Variants in USP45 observed in about 807,000 individuals in gnomAD.
USP45 encodes the protein ubiquitin specific peptidase 45, also known as ubiquitin carboxyl-terminal hydrolase 45.
A neutral mutation model predicts 95.8 loss-of-function variants in USP45; 89 were observed. That is an observed-to-expected ratio of 0.93 (90% confidence interval 0.78 to 1.11). The LOEUF is 1.11. USP45 is among the 50% of genes least tolerant of loss of function. The pLI, the probability that USP45 is intolerant of heterozygous loss-of-function variation, is 0.00. For synonymous variants in USP45, 281 were observed against 316.2 expected, an observed-to-expected ratio of 0.89 and a Z score of 1.18; for missense variants, 898 against 942.5, an observed-to-expected ratio of 0.95 and a Z score of 0.62.
intron 5 of USP45, among the ~76,000 whole-genome samples, chr6:99,498,577 G>A (rs1796773467): frequency 6.6e-6 from 1 of 152,338 alleles, no homozygotes; most frequent in East Asian, 1.9e-4. Flanking sequence ...GATAAGTAAG[G>A]CTGAAGACAG....
At chr6:99,486,336 T>C (rs558373518) in intron 7 of USP45, among the ~76,000 whole-genome samples, 2 of 152,276 alleles carry the variant, frequency 1.3e-5, no homozygotes, top group African/African-American at 4.8e-5. Flanking sequence ...CAGTATCTAA[T>C]TGCCATATAG....
At chr6:99,513,027 GAGCTGCTTCCTAA>G (rs1485265266) in intron 1 of USP45, among the ~76,000 whole-genome samples, 3 of 152,116 alleles carry the variant, frequency 2.0e-5, no homozygotes, top group Admixed American at 1.3e-4. Flanking sequence ...GGCAAATGGA[GAGCTGCTTCCTAA>G]AGCAAGTCAC....
At chr6:99,479,271 C>T (rs183072775) in intron 8 of USP45, among the ~76,000 whole-genome samples, 9 of 152,042 alleles carry the variant, frequency 5.9e-5, no homozygotes, top group Admixed American at 5.9e-4. Context: ...AGTGCAATGA[C>T]ATTAACAGCT....
Position 99,489,101 on chromosome 6 carries a change from G to A in USP45, c.479-281C>T, listed in dbSNP as rs149716001. ...AATGTAAAAGAACAGTCGAGAACAA[G>A]TAGAAAAGGTCTAACTTCTAAATAC... On this transcript the variant is annotated intron_variant, in intron 5 of 17. Transcript: ENST00000500704. 1.9e-3 allele frequency among the ~76,000 whole-genome samples: 287 copies of A among 152,234 alleles called. 2 individuals carry two copies. The highest frequency in any genetic ancestry group is 6.6e-3 in the African/African-American group (274 of 41,548).
At chr6:99,465,189 C>T (rs1418259003) in intron 11 of USP45, 53 bp from the exon 12 acceptor site, 1 of 1,461,820 alleles carries the variant, frequency 6.8e-7, no homozygotes, top group Non-Finnish European at 9.3e-7. Context: ...TATAAACATA[C>T]AGTTTTGTAA....
chr6:99,515,752 G>A (rs957313942), upstream of USP45, among the ~76,000 whole-genome samples: 1 of 143,898 alleles, frequency 6.9e-6, no homozygotes, highest in Non-Finnish European at 1.5e-5. Context: ...ATTTCCCTCC[G>A]TTACCCTCCT....
intron 13 of USP45, among the ~76,000 whole-genome samples, chr6:99,450,195 A>G (rs1211823405): frequency 2.0e-5 from 3 of 151,780 alleles, no homozygotes; most frequent in Non-Finnish European, 2.9e-5. Context: ...CAGAACTGAA[A>G]GAGATAGAGA....
chr6:99,462,259 T>C (rs1212254271), intron 13 of USP45: 6 of 984,272 alleles, frequency 6.1e-6, no homozygotes, highest in Non-Finnish European at 7.2e-6. Context: ...ACAAGTTATA[T>C]CCATGTGGTG....
intron 11 of USP45, 25 bp from the exon 12 acceptor site, chr6:99,465,161 C>T (rs760760529): frequency 5.3e-5 from 83 of 1,559,340 alleles, no homozygotes; most frequent in Non-Finnish European, 7.2e-5. Context: ...ACATTGAAAA[C>T]TTCAGTTAGA....
intron 1 of USP45, among the ~76,000 whole-genome samples, chr6:99,511,027 G>C (rs755530551): frequency 4.6e-5 from 7 of 152,122 alleles, no homozygotes; most frequent in Non-Finnish European, 8.8e-5. Flanking sequence ...GGAATATTAA[G>C]AGAAAATTAA....
chr6:99,484,175 C>CTT (rs113730302), intron 7 of USP45, among the ~76,000 whole-genome samples: 1 of 139,490 alleles, frequency 7.2e-6, no homozygotes, highest in Non-Finnish European at 1.6e-5. Flanking sequence ...TGTGTTTTTT[C>CTT]TTTTTTTTTT....
rs754642844 is a variant in USP45, at chr6:99,437,310, A to G, written c.2250T>C (p.Tyr750=). ...GSMREGHYTA[Y]VKVRTPSRKL... is the part of the protein sequence containing the mutation. ...TCCTGGAGGGTGTTCTCACTTTCAC[A>G]TAAGCAGTGTAGTGGCCTTCTCTCA... The change falls in exon 17 of 18, where the codon TAT becomes TAC. Residue 750 remains tyrosine (Y), a synonymous_variant. Coordinates refer to ENST00000500704, the MANE Select transcript of USP45 (RefSeq NM_001346022.3). The G allele has an allele frequency of 4.3e-6, 7 of 1,613,846 alleles. No homozygotes were observed. In the Admixed American group the frequency reaches 6.7e-5, roughly 15 times the overall value.
At chr6:99,441,863 C>A (rs1399789302) in intron 15 of USP45, among the ~76,000 whole-genome samples, 5 of 152,130 alleles carry the variant, frequency 3.3e-5, no homozygotes, top group African/African-American at 4.8e-5. Context: ...TATATACTTA[C>A]AATATTAAAA....
chr6:99,445,684 G>GC, intron 14 of USP45, 113 bp downstream of exon 14: 2 of 789,134 alleles, frequency 2.5e-6, no homozygotes, highest in Non-Finnish European at 3.8e-6. Flanking sequence ...AACAATCTCT[G>GC]CCTAAGTAAC....
chr6:99,455,978 C>T (rs1323662132), intron 13 of USP45, among the ~76,000 whole-genome samples: 1 of 150,876 alleles, frequency 6.6e-6, no homozygotes, highest in African/African-American at 2.4e-5. Flanking sequence ...ACTGAAAATA[C>T]AAAAATTAAC....
At chr6:99,505,713 C>G (rs1027752132) in intron 4 of USP45, among the ~76,000 whole-genome samples, 2 of 151,698 alleles carry the variant, frequency 1.3e-5, no homozygotes, top group African/African-American at 4.8e-5. Context: ...TCTTACCCAC[C>G]TTTTTCTAAT....
intron 9 of USP45, among the ~76,000 whole-genome samples, chr6:99,472,195 C>A (rs1156415690): frequency 1.3e-5 from 2 of 150,716 alleles, no homozygotes; most frequent in Non-Finnish European, 2.9e-5. Flanking sequence ...TTAATCCATT[C>A]ACATGACTTT....
At chr6:99,473,847 CA>C (rs1279023132) in intron 9 of USP45, among the ~76,000 whole-genome samples, 1 of 146,460 alleles carries the variant, frequency 6.8e-6, no homozygotes, top group Non-Finnish European at 1.5e-5. Flanking sequence ...AGGACAGAGA[CA>C]ATACATAGTA....
At chr6:99,436,035 T>A (rs1237654582) in intron 17 of USP45, among the ~76,000 whole-genome samples, 189 bp from the exon 18 acceptor site, 1 of 152,014 alleles carries the variant, frequency 6.6e-6, no homozygotes, top group Non-Finnish European at 1.5e-5. Flanking sequence ...TTTTAAGTTC[T>A]GGAATATCTG....
Sources: gnomAD v4.1 joint callset for allele counts (sites outside exome capture counted in the v4.1 genomes callset) on GRCh38, gnomAD v4.1.1 for gene constraint, MANE v1.5 for transcripts, NCBI Gene and HGNC (gene_info 2026-07-23, HGNC 2026-07-21) for gene names.